DPP6: variants seen among roughly 807,000 people sequenced by gnomAD.
DPP6 encodes dipeptidyl peptidase like 6, also known as A-type potassium channel modulatory protein DPP6.
A neutral mutation model predicts 122.6 loss-of-function variants in DPP6; 69 were observed. The observed-to-expected ratio is 0.56, with a 90% CI of 0.46 to 0.69. The LOEUF is 0.69. DPP6 is among the 30% of genes least tolerant of loss of function. DPP6 has a pLI of 0.00. For missense variants in DPP6, 928 were observed against 1,116.9 expected, an observed-to-expected ratio of 0.83 and a Z score of 2.41; for synonymous variants, 418 against 433.1, an observed-to-expected ratio of 0.97 and a Z score of 0.43.
intron 1 of DPP6, among the ~76,000 whole-genome samples, chr7:153,980,460 G>A (rs1796526879): frequency 6.6e-6 from 1 of 151,834 alleles, no homozygotes; most frequent in African/African-American, 2.4e-5. Context: ...AGTCTGGTTA[G>A]TGGTCTATCT....
At chr7:154,279,666 G>T (rs556784876) in intron 1 of DPP6, among the ~76,000 whole-genome samples, 1 of 152,338 alleles carries the variant, frequency 6.6e-6, no homozygotes, top group Admixed American at 6.5e-5. Context: ...TTGGAAAAGG[G>T]TGTTGATGTG....
intron 1 of DPP6, among the ~76,000 whole-genome samples, chr7:154,261,635 A>G (rs1355409142): frequency 1.3e-5 from 2 of 152,176 alleles, no homozygotes; most frequent in African/African-American, 2.4e-5. Context: ...TTCACAATCT[A>G]TACATCTGAC....
the DPP6 span, among the ~76,000 whole-genome samples, chr7:153,801,180 A>C: frequency 1.3e-5 from 2 of 148,480 alleles, no homozygotes; most frequent in African/African-American, 5.0e-5. Context: ...TGCATCACAC[A>C]ATTTTTTAGA....
rs929477854 is a variant in DPP6 at position 153,918,472 on chromosome 7, T to A, written c.51+30738T>A. 4.9e-4 allele frequency among the ~76,000 whole-genome samples: 63 copies of A among 128,548 alleles called. 1 individual carries two copies. The highest frequency in any genetic ancestry group is 1.9e-3 in the African/African-American group (60 of 31,650). 84.3% of individuals were successfully genotyped at this position (128,548 alleles called of 152,430 possible). On this transcript the variant is annotated intron_variant, in intron 1 of 25. Coordinates refer to the DPP6 transcript ENST00000404039. The stretch of plus-strand genomic sequence containing the variant: ...CACACACACACACACACACACTCTC[T>A]CTCTCTCTCTCTCTCTCTTTTTCTG...
intron 1 of DPP6, among the ~76,000 whole-genome samples, chr7:153,968,033 G>A (rs1351563083): frequency 1.3e-5 from 2 of 150,564 alleles, no homozygotes; most frequent in Non-Finnish European, 1.5e-5. Flanking sequence ...ATGCATACAC[G>A]TATCTTTTGG....
intron 1 of DPP6, among the ~76,000 whole-genome samples, chr7:154,287,750 T>C (rs1804949057): frequency 6.6e-6 from 1 of 152,116 alleles, no homozygotes; most frequent in Non-Finnish European, 1.5e-5. Context: ...CCACTTTCCC[T>C]GATTAAACCG....
At chr7:153,916,705 C>A (rs1251485575) in intron 1 of DPP6, among the ~76,000 whole-genome samples, 1 of 152,058 alleles carries the variant, frequency 6.6e-6, no homozygotes, top group Non-Finnish European at 1.5e-5. Flanking sequence ...CTGCACCCGG[C>A]CTTCTTTTTT....
intron 1 of DPP6, among the ~76,000 whole-genome samples, chr7:153,919,441 A>G (rs150464040): frequency 2.6e-5 from 4 of 152,178 alleles, no homozygotes; most frequent in African/African-American, 9.7e-5. Flanking sequence ...TGAGTCCTTA[A>G]ACACCAGTTT....
chr7:154,789,201 A>G (rs543241431), intron 10 of DPP6, among the ~76,000 whole-genome samples: 2 of 152,236 alleles, frequency 1.3e-5, no homozygotes, highest in Admixed American at 6.5e-5. Flanking sequence ...AGTCTAACCC[A>G]TGTGCATCTG....
rs1272189021 is a variant in DPP6, at chr7:154,021,978, C to T, written c.51+134244C>T. Among the ~76,000 whole-genome samples the T allele has an allele frequency of 3.3e-5, 5 of 152,264 alleles. No homozygotes were observed. In the East Asian group the frequency reaches 9.7e-4, roughly 29 times the overall value. On this transcript the variant is annotated intron_variant, in intron 1 of 25. Coordinates refer to the DPP6 transcript ENST00000404039. ...CCCATTGGCCGGTCAAGTTGATATCCAGAATTCGCTATCTCAGCTGTTAAG... is the reference window on the plus strand; with the variant it reads ...CCCATTGGCCGGTCAAGTTGATATCTAGAATTCGCTATCTCAGCTGTTAAG...
intron 8 of DPP6, among the ~76,000 whole-genome samples, chr7:154,733,558 G>A (rs2131384155): frequency 6.6e-6 from 1 of 152,296 alleles, no homozygotes; most frequent in Non-Finnish European, 1.5e-5. Flanking sequence ...AGGTCAGGTG[G>A]GCCCCAGGCA....
intron 8 of DPP6, among the ~76,000 whole-genome samples, chr7:154,765,353 A>G (rs1160050746): frequency 6.6e-6 from 1 of 152,172 alleles, no homozygotes; most frequent in Non-Finnish European, 1.5e-5. Flanking sequence ...ACACATGCGC[A>G]CAACAGTCCA....
chr7:154,303,577 A>AGAG (rs1806054520), intron 1 of DPP6, among the ~76,000 whole-genome samples: 1 of 152,156 alleles, frequency 6.6e-6, no homozygotes, highest in Non-Finnish European at 1.5e-5. Context: ...AGGGTCACAA[A>AGAG]GACAAGCTGA....
chr7:153,880,711 C>T, the DPP6 span, among the ~76,000 whole-genome samples: 1 of 152,158 alleles, frequency 6.6e-6, no homozygotes, highest in East Asian at 1.9e-4. Context: ...GGAGAAAAGA[C>T]ACACTGAGCT....
At chr7:153,866,120 C>T in the DPP6 span, among the ~76,000 whole-genome samples, 2 of 152,100 alleles carry the variant, frequency 1.3e-5, no homozygotes, top group African/African-American at 4.8e-5. Flanking sequence ...CATACGTGTG[C>T]ATGTGTCTTT....
chr7:154,086,509 A>G lies in DPP6; in HGVS notation c.243+33446A>G, dbSNP rs533258543. Among the ~76,000 whole-genome samples the G allele has an allele frequency of 9.1e-3, 1,342 of 147,940 alleles. 11 individuals are homozygous for G. The highest frequency in any genetic ancestry group is 0.028 in the African/African-American group (1,109 of 39,928). ...CACAACCCCTTTCTCATTCTGTTCC[A>G]TCTGCTGCCCTACACGATGTTCCAT... On this transcript the variant is annotated intron_variant, in intron 1 of 25. Transcript: ENST00000377770.
chr7:154,880,793 C>T, intron 20 of DPP6, 95 bp from the exon 21 acceptor site: 2 of 1,607,336 alleles, frequency 1.2e-6, no homozygotes, highest in East Asian at 2.2e-5. Flanking sequence ...GGTTTTCATC[C>T]TTGAAATGGA....
intron 3 of DPP6, among the ~76,000 whole-genome samples, chr7:154,536,298 A>T (rs958032543): frequency 3.9e-5 from 6 of 152,186 alleles, no homozygotes; most frequent in Non-Finnish European, 7.4e-5. Flanking sequence ...GATGGAATAG[A>T]TGATCCACAG....
At chr7:154,120,905 C>T (rs1807402011) in intron 1 of DPP6, among the ~76,000 whole-genome samples, 1 of 152,070 alleles carries the variant, frequency 6.6e-6, no homozygotes, top group South Asian at 2.1e-4. Flanking sequence ...TTTCCCCACC[C>T]AGATCTCACT....
Sources: allele counts gnomAD v4.1 joint callset (sites outside exome capture counted in the v4.1 genomes callset), GRCh38; gene constraint gnomAD v4.1.1; transcripts MANE v1.5; gene names NCBI Gene and HGNC (gene_info 2026-07-23, HGNC 2026-07-21).